Variants in IL5RA observed in about 807,000 individuals in gnomAD.
The protein encoded by IL5RA is interleukin 5 receptor subunit alpha.
In IL5RA, 49 loss-of-function variants were observed where a neutral mutation model predicts 50.0. That is an observed-to-expected ratio of 0.98 (90% CI 0.78 to 1.24). IL5RA has a LOEUF of 1.24. IL5RA is among the 50% of genes most tolerant of loss of function. The pLI is 0.00. For missense variants in IL5RA, 600 were observed against 500.4 expected, an observed-to-expected ratio of 1.20 and a Z score of -1.90; for synonymous variants, 202 against 174.0, an observed-to-expected ratio of 1.16 and a Z score of -1.26.
chr3:3,093,713 AG>A (rs1703234662), intron 8 of IL5RA, among the ~76,000 whole-genome samples: 2 of 152,286 alleles, frequency 1.3e-5, no homozygotes, highest in Admixed American at 1.3e-4. Context: ...CCCCATCTCT[AG>A]CTGTACTGGC....
chr3:3,083,217 G>A (rs573658135), intron 9 of IL5RA, among the ~76,000 whole-genome samples: 1 of 152,320 alleles, frequency 6.6e-6, no homozygotes, highest in African/African-American at 2.4e-5. Flanking sequence ...TTTTGGGTGA[G>A]TGAGCTTTCA....
At chr3:3,087,200 C>G (rs1425072340) in intron 9 of IL5RA, among the ~76,000 whole-genome samples, 1 of 152,134 alleles carries the variant, frequency 6.6e-6, no homozygotes, top group Non-Finnish European at 1.5e-5. Flanking sequence ...ACCACTTGTA[C>G]CCCTAAAGCT....
chr3:3,085,970 T>C (rs1318449908), intron 9 of IL5RA, among the ~76,000 whole-genome samples: 1 of 151,524 alleles, frequency 6.6e-6, no homozygotes. Flanking sequence ...GAATGAGTGA[T>C]CTGAAAACGG....
At chr3:3,094,848 C>T (rs1269158007) in intron 8 of IL5RA, among the ~76,000 whole-genome samples, 1 of 152,038 alleles carries the variant, frequency 6.6e-6, no homozygotes, top group Non-Finnish European at 1.5e-5. Flanking sequence ...TCAGCCCCTG[C>T]CCCCGAGTAG....
At chr3:3,073,373 C>T (rs565859020) in intron 11 of IL5RA, among the ~76,000 whole-genome samples, 9 of 152,260 alleles carry the variant, frequency 5.9e-5, no homozygotes, top group South Asian at 2.1e-4. Context: ...AAACTACAGC[C>T]GCGGGCCAAA....
intron 8 of IL5RA, among the ~76,000 whole-genome samples, chr3:3,093,413 A>T (rs1574996848): frequency 6.6e-6 from 1 of 152,254 alleles, no homozygotes; most frequent in Non-Finnish European, 1.5e-5. Context: ...TGACATTGCC[A>T]TGATATCCAA....
In IL5RA at chr3:3,095,301, G is replaced by A. The variant is rs1703305942; in HGVS notation, c.853C>T (p.Gln285Ter). The change falls in exon 8 of 12, where the codon CAG becomes TAG. Residue 285 changes from glutamine (Q) to a stop codon, truncating the protein, a stop_gained and splice_region_variant. Coordinates refer to ENST00000446632, the MANE Select transcript of IL5RA (RefSeq NM_175726.4). LOFTEE classifies it high-confidence loss of function. ...KIHNTRNGYLQIEKLMTNAFI... is the reference protein window; with the variant it reads ...KIHNTRNGYL ...ATTGGAATAATCTGAGTAATTACCT[G>A]CAAATATCCATTCCTTGTATTGTGT... 2 of 1,581,144 alleles carry A rather than the reference G, an allele frequency of 1.3e-6. No individual in the cohort carries two copies. The highest frequency in any genetic ancestry group is 2.7e-5 in the African/African-American group (2 of 74,030).
rs948684026 is a variant in IL5RA at position 3,068,019 on chromosome 3, C to T, written c.*2206G>A. The T allele has an allele frequency of 6.6e-6, 1 of 152,204 alleles. No homozygotes were observed. The highest frequency in any genetic ancestry group is 2.4e-5 in the African/African-American group (1 of 41,442). 9.4% of individuals were successfully genotyped at this position (152,204 alleles called of 1,614,324 possible). A position where few individuals can be genotyped will look rare whatever the true frequency, so the allele number is the denominator to read the frequency against. The stretch of plus-strand genomic sequence containing the variant: ...CCCCAAAAGGACAGTTTTCTGGGGA[C>T]AGGACTTTTCTGTCACATCTTCCTT... On this transcript the variant is annotated 3_prime_UTR_variant, in exon 12 of 12. Transcript: ENST00000446632.
chr3:3,095,862 C>CA (rs1703337419), intron 7 of IL5RA, among the ~76,000 whole-genome samples: 1 of 152,148 alleles, frequency 6.6e-6, no homozygotes, highest in African/African-American at 2.4e-5. Flanking sequence ...TGGCCCTGAA[C>CA]AAATCACTTC....
chr3:3,107,525 T>C (rs950567829), intron 2 of IL5RA, among the ~76,000 whole-genome samples: 1 of 152,136 alleles, frequency 6.6e-6, no homozygotes, highest in Non-Finnish European at 1.5e-5. Context: ...ATATCGACAA[T>C]ATGTTCGACT....
Position 3,070,151 on chromosome 3 carries a change from G to C in IL5RA, c.*74C>G. 3 of 957,112 alleles carry C rather than the reference G, an allele frequency of 3.1e-6. No homozygotes were observed. In the East Asian group the frequency reaches 7.3e-5, roughly 23 times the overall value. The allele number at this position is 957,112 out of a possible 1,614,324, so 59.3% of individuals were successfully genotyped here. A position where few individuals can be genotyped will look rare whatever the true frequency, so the allele number is the denominator to read the frequency against. ...TAAATTCTGAACACCTCTTAGCCAA[G>C]AGCCAGCATCCCTGTTCTTTTCACT... On this transcript the variant is annotated 3_prime_UTR_variant, in exon 12 of 12. Transcript: ENST00000446632.
chr3:3,103,426 T>G (rs17887044), intron 3 of IL5RA, among the ~76,000 whole-genome samples: 1 of 152,224 alleles, frequency 6.6e-6, no homozygotes, highest in Non-Finnish European at 1.5e-5. Context: ...AAAATATCAG[T>G]GTGCATCAAA....
intron 11 of IL5RA, among the ~76,000 whole-genome samples, chr3:3,071,399 G>T (rs528915979): frequency 2.2e-4 from 34 of 152,212 alleles, no homozygotes; most frequent in Admixed American, 2.2e-3. Flanking sequence ...TGAAGCAGGC[G>T]CATAGCTTGA....
intron 8 of IL5RA, among the ~76,000 whole-genome samples, chr3:3,093,559 G>A (rs116748409): frequency 2.9e-4 from 44 of 152,270 alleles, no homozygotes; most frequent in African/African-American, 3.8e-4. Context: ...GCACACACAC[G>A]TGCACACACA....
At position 3,067,027 on chromosome 3, in the gene IL5RA, C is replaced by T. The variant is rs17659192; in HGVS notation, c.*3198G>A. The T allele has an allele frequency of 0.085, 12,896 of 152,296 alleles. 609 individuals carry two copies. Among genetic ancestry groups the T allele is most frequent in the Non-Finnish European group, 0.11 (7,234 of 68,038 alleles). The allele number at this position is 152,296 out of a possible 1,614,324, so 9.4% of individuals were successfully genotyped here. A position where few individuals can be genotyped will look rare whatever the true frequency, so the allele number is the denominator to read the frequency against. On this transcript the variant is annotated 3_prime_UTR_variant, in exon 12 of 12. Transcript: ENST00000446632. ...GATGGCAAGAGATGGGAGCCAATAT[C>T]ATGACTTTACCTTACATCAACCTGC...
rs1559864129 is a variant in IL5RA, at chr3:3,081,391, A to C, written c.995-4764T>G. Among the ~76,000 whole-genome samples, 3 of 152,288 alleles carry C rather than the reference A, an allele frequency of 2.0e-5. No individual in the cohort carries two copies. In the South Asian group the frequency reaches 6.2e-4, roughly 32 times the overall value. On this transcript the variant is annotated intron_variant, in intron 9 of 11. Transcript: ENST00000446632. Reference sequence around the variant, plus strand: ...CCATTATGCAAGTATTCTGACAACCACATTCAGAAACTGCAGGTTTATAGA... The same window carrying C: ...CCATTATGCAAGTATTCTGACAACCCCATTCAGAAACTGCAGGTTTATAGA...
chr3:3,106,232 A>G (rs553757407), intron 2 of IL5RA, among the ~76,000 whole-genome samples: 2 of 152,374 alleles, frequency 1.3e-5, no homozygotes, highest in African/African-American at 2.4e-5. Context: ...TTCATTTAAA[A>G]CATTTATTTA....
In IL5RA at chr3:3,066,996, G is replaced by A. The variant is rs1702153098; in HGVS notation, c.*3229C>T. The A allele has an allele frequency of 6.6e-6, 1 of 152,216 alleles. No individual in the cohort carries two copies. The highest frequency in any genetic ancestry group is 1.5e-5 in the Non-Finnish European group (1 of 68,040). The allele number at this position is 152,216 out of a possible 1,614,324, so 9.4% of individuals were successfully genotyped here. On this transcript the variant is annotated 3_prime_UTR_variant, in exon 12 of 12. Coordinates refer to ENST00000446632, the MANE Select transcript of IL5RA (RefSeq NM_175726.4). ...AAAGTGACTCTCTACACTCGTCCTA[G>A]TGAGAGATGGCAAGAGATGGGAGCC... is the stretch of plus-strand genomic sequence containing the variant.
In IL5RA at chr3:3,070,165, G is replaced by A. The variant is rs1312008627; in HGVS notation, c.*60C>T. ...CTCTTAGCCAAGAGCCAGCATCCCT[G>A]TTCTTTTCACTGAGGCACTGAGGCA... On this transcript the variant is annotated 3_prime_UTR_variant, in exon 12 of 12. Coordinates refer to ENST00000446632, the MANE Select transcript of IL5RA (RefSeq NM_175726.4). 6.3e-6 allele frequency: 7 copies of A among 1,107,032 alleles called. No homozygotes were observed. The East Asian group carries it at 1.7e-4, about 26-fold the overall frequency. The allele number at this position is 1,107,032 out of a possible 1,614,324, so 68.6% of individuals were successfully genotyped here.
Sources: allele counts gnomAD v4.1 joint callset (sites outside exome capture counted in the v4.1 genomes callset), GRCh38; gene constraint gnomAD v4.1.1; transcripts MANE v1.5; gene names NCBI Gene and HGNC (gene_info 2026-07-23, HGNC 2026-07-21).